The following ZNF704 variants were observed in gnomAD, a reference collection of about 807,000 sequenced individuals.
The protein encoded by ZNF704 is zinc finger protein 704.
In ZNF704, 10 loss-of-function variants were observed where a neutral mutation model predicts 44.7. That is an observed-to-expected ratio of 0.22 (90% confidence interval 0.14 to 0.38). The LOEUF is 0.38. ZNF704 is among the 10% of genes least tolerant of loss of function. The probability of loss-of-function intolerance (pLI) is 1.00; values close to 1 mark genes in which losing one functional copy is unlikely to be tolerated. For synonymous variants in ZNF704, 211 were observed against 207.6 expected (o/e 1.02, Z -0.14); for missense variants, 390 against 545.5 (o/e 0.71, Z 2.84).
rs1048472741 is a variant in ZNF704, at chr8:80,637,484, G to A, written c.*3882C>T. On this transcript the variant is annotated 3_prime_UTR_variant, in exon 9 of 9. Transcript: ENST00000327835. ...GCAGTGCCAACTAATTCAGAACCCAGGGCTGCTTTCAAAAGTGTGTCTTAG... is the reference window on the plus strand; with the variant it reads ...GCAGTGCCAACTAATTCAGAACCCAAGGCTGCTTTCAAAAGTGTGTCTTAG... The A allele has an allele frequency of 3.3e-5, 5 of 152,334 alleles. No individual in the cohort carries two copies. In the South Asian group the frequency reaches 6.2e-4, roughly 19 times the overall value. 9.4% of individuals were successfully genotyped at this position (152,334 alleles called of 1,614,324 possible).
rs533579823 is a variant in ZNF704, at chr8:80,839,650, C to T, written c.-21-18035G>A. 2.6e-5 allele frequency among the ~76,000 whole-genome samples: 4 copies of T among 152,334 alleles called. No individual in the cohort carries two copies. In the South Asian group the frequency reaches 8.3e-4, roughly 32 times the overall value. ...TAGAAATGACTATAAGGGAGAAACG[C>T]TTCCTGCTTCAACACTGAGGCTTTC... is the stretch of plus-strand genomic sequence containing the variant. On this transcript the variant is annotated intron_variant, in intron 1 of 8. Transcript: ENST00000327835.
chr8:80,764,180 C>A (rs1170592712), intron 2 of ZNF704, among the ~76,000 whole-genome samples: 1 of 152,142 alleles, frequency 6.6e-6, no homozygotes, highest in Non-Finnish European at 1.5e-5. Flanking sequence ...CTCTGTGGTA[C>A]CAATTTATTG....
At chr8:80,864,974 T>C (rs1237503219) in intron 1 of ZNF704, among the ~76,000 whole-genome samples, 2 of 152,096 alleles carry the variant, frequency 1.3e-5, no homozygotes, top group Non-Finnish European at 2.9e-5. Context: ...TTTGCACAAG[T>C]AGATAAATGA....
At chr8:80,716,805 A>G (rs757413437) in intron 2 of ZNF704, among the ~76,000 whole-genome samples, 1 of 152,234 alleles carries the variant, frequency 6.6e-6, no homozygotes, top group African/African-American at 2.4e-5. Flanking sequence ...CTGGGATTAT[A>G]CTATTCATCA....
intron 1 of ZNF704, among the ~76,000 whole-genome samples, chr8:80,855,835 G>A (rs530805895): frequency 9.9e-5 from 15 of 152,132 alleles, no homozygotes; most frequent in Admixed American, 2.0e-4. Context: ...CTAAGGTAAC[G>A]AAGACTATAG....
At position 80,777,217 on chromosome 8, in the gene ZNF704, C is replaced by A. The variant is rs139981664; in HGVS notation, c.221+44157G>T. On this transcript the variant is annotated intron_variant, in intron 2 of 8. Coordinates refer to ENST00000327835, the MANE Select transcript of ZNF704 (RefSeq NM_001033723.3). The stretch of plus-strand genomic sequence containing the variant: ...CAGAAATTGCTAGTTATGCCAGGTC[C>A]TTTGGCTGCTTATTTCACTCCACTA... Among the ~76,000 whole-genome samples the A allele has an allele frequency of 3.5e-3, 531 of 152,160 alleles. 3 individuals carry two copies. The highest frequency in any genetic ancestry group is 5.6e-3 in the Non-Finnish European group (382 of 68,006).
intron 2 of ZNF704, among the ~76,000 whole-genome samples, chr8:80,774,993 T>C (rs942713354): frequency 3.3e-5 from 5 of 152,178 alleles, no homozygotes; most frequent in Admixed American, 6.5e-5. Context: ...TCTCTCTACC[T>C]TTCATCTTTA....
rs1486561944 is a variant in ZNF704, at chr8:80,631,765, G to C, written c.*9601C>G. ...TGTGTGACTAAGCCGCTCTCCTCAT[G>C]ATCACCTAAAACCGTTCAGACAGAT... is the stretch of plus-strand genomic sequence containing the variant. On this transcript the variant is annotated 3_prime_UTR_variant, in exon 9 of 9. Coordinates refer to ENST00000327835, the MANE Select transcript of ZNF704 (RefSeq NM_001033723.3). The C allele has an allele frequency of 2.0e-5, 3 of 152,178 alleles. No individual in the cohort carries two copies. The highest frequency in any genetic ancestry group is 7.2e-5 in the African/African-American group (3 of 41,444). The allele number at this position is 152,178 out of a possible 1,614,324, so 9.4% of individuals were successfully genotyped here.
chr8:80,766,028 C>T (rs929401893), intron 2 of ZNF704, among the ~76,000 whole-genome samples: 1 of 152,096 alleles, frequency 6.6e-6, no homozygotes, highest in African/African-American at 2.4e-5. Context: ...GTGAACTTTA[C>T]TATTTCCTTG....
rs1349199544 is a variant in ZNF704, at chr8:80,789,841, A to G, written c.221+31533T>C. ...AGTAAGTACCTTCAAAGCTTCTGCC[A>G]GTATCTCAGGTTTATGCTTCCATTT... On this transcript the variant is annotated intron_variant, in intron 2 of 8. Coordinates refer to ENST00000327835, the MANE Select transcript of ZNF704 (RefSeq NM_001033723.3). Among the ~76,000 whole-genome samples, 4 of 152,224 alleles carry G rather than the reference A, an allele frequency of 2.6e-5. No homozygotes were observed. The East Asian group carries it at 5.8e-4, about 22-fold the overall frequency.
At chr8:80,776,329 C>G (rs1807410276) in intron 2 of ZNF704, among the ~76,000 whole-genome samples, 2 of 152,298 alleles carry the variant, frequency 1.3e-5, no homozygotes, top group South Asian at 4.1e-4. Flanking sequence ...AATACCACCA[C>G]CAATGCATGA....
At chr8:80,775,921 C>T (rs999415064) in intron 2 of ZNF704, among the ~76,000 whole-genome samples, 1 of 152,120 alleles carries the variant, frequency 6.6e-6, no homozygotes, top group Non-Finnish European at 1.5e-5. Flanking sequence ...AATATTTATC[C>T]TAGTGATAAA....
chr8:80,668,397 C>G (rs948031630), intron 5 of ZNF704, among the ~76,000 whole-genome samples: 1 of 152,232 alleles, frequency 6.6e-6, no homozygotes, highest in African/African-American at 2.4e-5. Context: ...CCCCTGAGCT[C>G]CCAGGCTGAG....
At position 80,631,466 on chromosome 8, in the gene ZNF704, A is replaced by G. The variant is rs1157215763; in HGVS notation, c.*9900T>C. The G allele has an allele frequency of 6.6e-6, 1 of 152,206 alleles. No homozygotes were observed. Among genetic ancestry groups the G allele is most frequent in the Non-Finnish European group, 1.5e-5 (1 of 68,050 alleles). The allele number at this position is 152,206 out of a possible 1,614,324, so 9.4% of individuals were successfully genotyped here. On this transcript the variant is annotated 3_prime_UTR_variant, in exon 9 of 9. Transcript: ENST00000327835. ...CTTCCTTTTCACTTACTAAAGGCCA[A>G]TTCTGCTTTCATGCTCTGTAATTGT...
chr8:80,712,887 T>C (rs532251949), intron 2 of ZNF704, among the ~76,000 whole-genome samples: 1 of 151,964 alleles, frequency 6.6e-6, no homozygotes, highest in East Asian at 1.9e-4. Flanking sequence ...TGTTTGTTTG[T>C]TTGTTTTGGT....
chr8:80,711,399 A>C (rs747536570), intron 2 of ZNF704, among the ~76,000 whole-genome samples: 3 of 152,232 alleles, frequency 2.0e-5, no homozygotes, highest in Non-Finnish European at 4.4e-5. Flanking sequence ...AGAGAAACCC[A>C]CTATGAATGG....
At chr8:80,714,496 T>A (rs554388979) in intron 2 of ZNF704, among the ~76,000 whole-genome samples, 28 of 152,310 alleles carry the variant, frequency 1.8e-4, no homozygotes, top group African/African-American at 6.0e-4. Context: ...ACCAAGGCTC[T>A]GAGGTGGTAT....
At chr8:80,814,089 A>G (rs1328574463) in intron 2 of ZNF704, 1 of 152,150 alleles carries the variant, frequency 6.6e-6, no homozygotes, top group Non-Finnish European at 1.5e-5. Context: ...GGCTATTTTT[A>G]AAAACAACAA....
At chr8:80,860,055 G>A (rs368542799) in intron 1 of ZNF704, among the ~76,000 whole-genome samples, 1 of 152,184 alleles carries the variant, frequency 6.6e-6, no homozygotes, top group Non-Finnish European at 1.5e-5. Context: ...TTGTAAGAAC[G>A]AAACCTCTGT....
Sources: allele counts gnomAD v4.1 joint callset (sites outside exome capture counted in the v4.1 genomes callset), GRCh38; gene constraint gnomAD v4.1.1; transcripts MANE v1.5; gene names NCBI Gene and HGNC (gene_info 2026-07-23, HGNC 2026-07-21).